The following NELFB variants were observed in gnomAD, a reference collection of about 807,000 sequenced individuals.
The protein encoded by NELFB is negative elongation factor complex member B, also known as negative elongation factor B.
NELFB carries 34 observed loss-of-function variants against 60.2 expected under a neutral mutation model. The ratio of observed to expected loss-of-function variants is 0.56; its 90% CI spans 0.43 to 0.75. NELFB has a LOEUF of 0.75. NELFB is among the 30% of genes least tolerant of loss of function. The pLI is 0.00. For synonymous variants in NELFB, 459 were observed against 382.1 expected (o/e 1.20, Z -2.35); for missense variants, 770 against 831.6 (o/e 0.93, Z 0.91).
chr9:137,272,484 C>A, intron 11 of NELFB, 23 bp from the exon 12 acceptor site: 1 of 1,600,764 alleles, frequency 6.2e-7, no homozygotes. Flanking sequence ...CCTCCTGCCC[C>A]AGCCCTGCAC....
At chr9:137,257,147 T>C in intron 4 of NELFB, 93 bp downstream of exon 4, 1 of 1,099,228 alleles carries the variant, frequency 9.1e-7, no homozygotes, top group Non-Finnish European at 1.3e-6. Context: ...TCTGCTGCCC[T>C]GTGAATGATC....
chr9:137,267,640 C>T (rs1364262672), intron 10 of NELFB, among the ~76,000 whole-genome samples: 3 of 151,888 alleles, frequency 2.0e-5, no homozygotes, highest in East Asian at 1.9e-4. Context: ...ATTACAGGCG[C>T]GTGCCACCGT....
At chr9:137,258,495 C>T (rs1837592947) in intron 4 of NELFB, among the ~76,000 whole-genome samples, 1 of 149,924 alleles carries the variant, frequency 6.7e-6, no homozygotes, top group African/African-American at 2.5e-5. Context: ...GTCACCCAGA[C>T]TGGAGTGCAG....
At chr9:137,270,178 T>C (rs1334689520) in intron 10 of NELFB, among the ~76,000 whole-genome samples, 1 of 150,490 alleles carries the variant, frequency 6.6e-6, no homozygotes, top group Non-Finnish European at 1.5e-5. Context: ...AAAAGAAGGA[T>C]GCGTTTACAG....
At chr9:137,260,183 G>C (rs975729097) in intron 4 of NELFB, among the ~76,000 whole-genome samples, 5 of 150,802 alleles carry the variant, frequency 3.3e-5, no homozygotes, top group African/African-American at 1.2e-4. Flanking sequence ...CCGAGTGGCT[G>C]GGACTACAGG....
chr9:137,268,969 T>A (rs1830551593), intron 10 of NELFB, among the ~76,000 whole-genome samples: 1 of 152,176 alleles, frequency 6.6e-6, no homozygotes, highest in Admixed American at 6.5e-5. Flanking sequence ...TACCCTTTTA[T>A]CAGGAGCCAC....
chr9:137,263,244 C>A (rs542429231), intron 5 of NELFB, 22 bp downstream of exon 5: 1 of 1,589,000 alleles, frequency 6.3e-7, no homozygotes, highest in East Asian at 2.3e-5. Flanking sequence ...CTCCCTCCTT[C>A]CCCCCTACCC....
chr9:137,265,670 AGCCGCCGCGCCCGGCCT>A, intron 6 of NELFB, among the ~76,000 whole-genome samples, 190 bp from the exon 7 acceptor site: 1 of 124,190 alleles, frequency 8.1e-6, no homozygotes, highest in South Asian at 3.0e-4. Flanking sequence ...TGACAGGCTG[AGCCGCCGCGCCCGGCCT>A]GCCAAAGTGC....
Position 137,266,258 on chromosome 9 carries a change from G to A in NELFB, c.1144-73G>A, listed in dbSNP as rs1830516090. 16 of 1,323,238 alleles carry A rather than the reference G, an allele frequency of 1.2e-5. 1 individual carries two copies. Among genetic ancestry groups the A allele is most frequent in the Admixed American group, 2.1e-5 (1 of 48,254 alleles). 82.0% of individuals were successfully genotyped at this position (1,323,238 alleles called of 1,614,324 possible). A position where few individuals can be genotyped will look rare whatever the true frequency, so the allele number is the denominator to read the frequency against. ...GGCACCAGAGATCCTGCTGAGTAAC[G>A]AGTAGGGTCAGAGGAGCTCCATGGC... is the stretch of plus-strand genomic sequence containing the variant. On this transcript the variant is annotated intron_variant, in intron 7 of 12. Transcript: ENST00000343053.
rs1271049217 is a variant in NELFB at position 137,265,874 on chromosome 9, C to T, written c.1041-3C>T. The T allele has an allele frequency of 6.2e-7, 1 of 1,610,304 alleles. No individual in the cohort carries two copies. Among genetic ancestry groups the T allele is most frequent in the South Asian group, 1.1e-5 (1 of 91,010 alleles). On this transcript the variant is annotated splice_polypyrimidine_tract_variant and splice_region_variant and intron_variant, in intron 6 of 12. Transcript: ENST00000343053. ...CATTAATGCCAGGGCGGCCTCCTTC[C>T]AGGGACCTGTCCATGATCCTGTGTG...
At chr9:137,260,750 G>A (rs1047643750) in intron 4 of NELFB, among the ~76,000 whole-genome samples, 2 of 151,068 alleles carry the variant, frequency 1.3e-5, no homozygotes, top group Non-Finnish European at 3.0e-5. Flanking sequence ...ACCGTGCCCA[G>A]CCCGATTCTC....
rs750081628 is a variant in NELFB at position 137,255,887 on chromosome 9, G to T, written c.247-20G>T. On this transcript the variant is annotated intron_variant, in intron 1 of 12. Coordinates refer to ENST00000343053, the MANE Select transcript of NELFB (RefSeq NM_015456.5). ...CCGGGCGCACTGGGCTGCGTTTGAG[G>T]TTTCTCTTGGCTTCCTCAGACAGAG... The T allele has an allele frequency of 1.9e-6, 3 of 1,611,176 alleles. No individual in the cohort carries two copies. The highest frequency in any genetic ancestry group is 2.5e-6 in the Non-Finnish European group (3 of 1,178,076).
rs181247222 is a variant in NELFB at position 137,272,932 on chromosome 9, C to T, written c.*4C>T. 1 of 1,508,772 alleles carries T rather than the reference C, an allele frequency of 6.6e-7. No individual in the cohort carries two copies. Among genetic ancestry groups the T allele is most frequent in the Non-Finnish European group, 8.9e-7 (1 of 1,124,354 alleles). 93.5% of individuals were successfully genotyped at this position (1,508,772 alleles called of 1,614,324 possible). On this transcript the variant is annotated 3_prime_UTR_variant, in exon 13 of 13. Transcript: ENST00000343053. ...GCCCGCCCCTGCCCCGCTCTGAGGG[C>T]CCTCCAGACCTGCTCGGGTGCTGGG... is the stretch of plus-strand genomic sequence containing the variant.
chr9:137,258,117 G>C (rs1564441883), intron 4 of NELFB, among the ~76,000 whole-genome samples: 1 of 117,532 alleles, frequency 8.5e-6, no homozygotes, highest in East Asian at 2.5e-4. Context: ...GATTTGTTGG[G>C]GTTTTTTTTT....
chr9:137,269,282 A>G lies in NELFB; in HGVS notation c.1489+1936A>G, dbSNP rs1830554821. Among the ~76,000 whole-genome samples, 1 of 152,152 alleles carries G rather than the reference A, an allele frequency of 6.6e-6. No individual in the cohort carries two copies. Among genetic ancestry groups the G allele is most frequent in the Non-Finnish European group, 1.5e-5 (1 of 68,030 alleles). On this transcript the variant is annotated intron_variant, in intron 10 of 12. Transcript: ENST00000343053. This position sits in a 1 kb window ranked among gnomAD's most constrained non-coding sequence, Gnocchi z 5.3. Reference sequence around the variant, plus strand: ...GGAACGAATGACCACAGACAGTGGCATTAGACAGCGCAGGCAGACATGACC... The same window carrying G: ...GGAACGAATGACCACAGACAGTGGCGTTAGACAGCGCAGGCAGACATGACC...
intron 11 of NELFB, 113 bp downstream of exon 11, chr9:137,272,335 G>A: frequency 6.5e-7 from 1 of 1,530,596 alleles, no homozygotes; most frequent in South Asian, 1.2e-5. Context: ...AGGTGGGTCT[G>A]TTGGGCACCA....
chr9:137,271,648 C>A (rs915349283), intron 10 of NELFB, among the ~76,000 whole-genome samples: 1 of 152,220 alleles, frequency 6.6e-6, no homozygotes, highest in Non-Finnish European at 1.5e-5. Flanking sequence ...TCAGGGAGAA[C>A]TCTCTGCAGC....
At chr9:137,268,312 A>C (rs1564445221) in intron 10 of NELFB, among the ~76,000 whole-genome samples, 1 of 152,146 alleles carries the variant, frequency 6.6e-6, no homozygotes, top group Non-Finnish European at 1.5e-5. Flanking sequence ...ACGGCCGGGC[A>C]CGGTGGCTCA....
chr9:137,265,205 G>A (rs1830503239), intron 6 of NELFB, among the ~76,000 whole-genome samples: 1 of 151,368 alleles, frequency 6.6e-6, no homozygotes. Flanking sequence ...ATCTTTAGTA[G>A]AGATGGGATT....
Sources: allele counts gnomAD v4.1 joint callset (sites outside exome capture counted in the v4.1 genomes callset), GRCh38; gene constraint gnomAD v4.1.1; non-coding constraint Gnocchi (gnomAD v3.1); transcripts MANE v1.5; gene names NCBI Gene and HGNC (gene_info 2026-07-23, HGNC 2026-07-21).